The following BRINP2 variants were observed in gnomAD, a reference collection of about 807,000 sequenced individuals.
BRINP2 encodes BMP/retinoic acid inducible neural specific 2, also known as BMP/retinoic acid-inducible neural-specific protein 2.
Under a neutral mutation model 69.2 loss-of-function variants are expected in BRINP2, and 21 were observed. That is an observed-to-expected ratio of 0.30 (90% CI 0.22 to 0.44). The LOEUF (loss-of-function observed/expected upper bound fraction) is 0.44, where lower values mean the gene tolerates loss of function less well. Among genes scored for constraint, BRINP2 ranks in the 20% least tolerant of loss-of-function variants. The probability of loss-of-function intolerance (pLI) is 1.00; values close to 1 mark genes in which losing one functional copy is unlikely to be tolerated. For synonymous variants in BRINP2, 380 were observed against 394.1 expected, an observed-to-expected ratio of 0.96 and a Z score of 0.42; for missense variants, 877 against 986.0, an observed-to-expected ratio of 0.89 and a Z score of 1.48.
chr1:177,277,097 A>G lies in BRINP2; in HGVS notation c.1012+663A>G, dbSNP rs141255332. On this transcript the variant is annotated intron_variant, in intron 6 of 7. Coordinates refer to ENST00000361539, the MANE Select transcript of BRINP2 (RefSeq NM_021165.4). ...TTTCAACACTAAATGAATGATATTT[A>G]TGTGGATATAGTTCAAAAACATGAT... Among the ~76,000 whole-genome samples the G allele has an allele frequency of 6.9e-3, 1,049 of 152,318 alleles. 6 individuals carry two copies. The highest frequency in any genetic ancestry group is 0.011 in the Non-Finnish European group (763 of 68,030).
intron 2 of BRINP2, among the ~76,000 whole-genome samples, chr1:177,239,104 G>A (rs191515038): frequency 3.3e-5 from 5 of 152,292 alleles, no homozygotes; most frequent in East Asian, 1.9e-4. Flanking sequence ...ACAGTGTCTC[G>A]GGTTGTCACT....
chr1:177,210,258 C>G (rs909356675), intron 1 of BRINP2, among the ~76,000 whole-genome samples: 1 of 149,660 alleles, frequency 6.7e-6, no homozygotes, highest in Non-Finnish European at 1.5e-5. Flanking sequence ...TGTGTGCTTT[C>G]TATATTTACT....
intron 2 of BRINP2, among the ~76,000 whole-genome samples, chr1:177,242,524 G>C (rs1650237166): frequency 6.6e-6 from 1 of 151,932 alleles, no homozygotes. Flanking sequence ...TATCTCCTCT[G>C]AGCTCCTTCT....
At chr1:177,263,043 A>G (rs2102351870) in intron 4 of BRINP2, among the ~76,000 whole-genome samples, 1 of 152,326 alleles carries the variant, frequency 6.6e-6, no homozygotes, top group South Asian at 2.1e-4. Flanking sequence ...AAGAGGGAAG[A>G]GAGTTGAGAA....
At chr1:177,187,097 G>A (rs528704610) in intron 1 of BRINP2, among the ~76,000 whole-genome samples, 17 of 152,232 alleles carry the variant, frequency 1.1e-4, no homozygotes, top group Non-Finnish European at 1.3e-4. Flanking sequence ...CTCCAGTGAC[G>A]GAGTTTTAGA....
At chr1:177,245,781 C>T (rs886832744) in intron 2 of BRINP2, among the ~76,000 whole-genome samples, 17 of 152,162 alleles carry the variant, frequency 1.1e-4, no homozygotes, top group Admixed American at 2.0e-4. Flanking sequence ...TCTATAAACA[C>T]ACCACTCTCA....
chr1:177,257,118 T>G (rs1200769662), intron 3 of BRINP2, 58 bp from the exon 4 acceptor site: 18 of 1,604,576 alleles, frequency 1.1e-5, no homozygotes, highest in Non-Finnish European at 1.4e-5. Context: ...TATGTTCCTA[T>G]TGGTAGGGGA....
At chr1:177,275,265 T>C (rs1222849775) in intron 5 of BRINP2, 4 of 456,010 alleles carry the variant, frequency 8.8e-6, no homozygotes, top group Admixed American at 7.0e-5. Context: ...GTTACTGCAG[T>C]TGGGTGAGAA....
intron 1 of BRINP2, among the ~76,000 whole-genome samples, chr1:177,228,309 G>A (rs1254864957): frequency 6.6e-6 from 1 of 152,186 alleles, no homozygotes; most frequent in Non-Finnish European, 1.5e-5. Flanking sequence ...TATGAATGGT[G>A]AGGCACGGAT....
Position 177,210,719 on chromosome 1 carries a change from CT to C in BRINP2, c.-76-19081del, listed in dbSNP as rs770301195. On this transcript the variant is annotated intron_variant, in intron 1 of 7. Coordinates refer to ENST00000361539, the MANE Select transcript of BRINP2 (RefSeq NM_021165.4). ...CTTGGAGTAACTCATATAGGTGAAT[CT>C]ATTTTTTAACTATAAATTATTTGAC... Among the ~76,000 whole-genome samples, 18 of 151,758 alleles carry C rather than the reference CT, an allele frequency of 1.2e-4. No individual in the cohort carries two copies. The East Asian group carries it at 2.9e-3, about 25-fold the overall frequency.
intron 2 of BRINP2, among the ~76,000 whole-genome samples, chr1:177,254,586 G>A (rs1650693391): frequency 6.6e-6 from 1 of 151,922 alleles, no homozygotes; most frequent in Non-Finnish European, 1.5e-5. Flanking sequence ...TTGTGGTTGA[G>A]TTGCAAGCTG....
intron 1 of BRINP2, among the ~76,000 whole-genome samples, chr1:177,178,997 T>C (rs1391816823): frequency 3.9e-5 from 6 of 152,130 alleles, no homozygotes; most frequent in African/African-American, 9.7e-5. Flanking sequence ...TCCTATAAGG[T>C]AAGTAGGTTT....
chr1:177,278,522 A>T, intron 6 of BRINP2, 41 bp from the exon 7 acceptor site: 1 of 1,597,440 alleles, frequency 6.3e-7, no homozygotes, highest in Non-Finnish European at 8.6e-7. Context: ...AGAGTTCTGC[A>T]TAGCTACCCG....
chr1:177,266,121 A>AAATAATAATAATAAT (rs55687261), intron 4 of BRINP2, among the ~76,000 whole-genome samples: 2 of 148,028 alleles, frequency 1.4e-5, no homozygotes, highest in Admixed American at 6.7e-5. Context: ...CTCCATCTCA[A>AAATAATAATAATAAT]AATAATAATA....
chr1:177,254,733 A>C (rs1474665960), intron 2 of BRINP2, among the ~76,000 whole-genome samples: 1 of 152,184 alleles, frequency 6.6e-6, no homozygotes, highest in African/African-American at 2.4e-5. Flanking sequence ...CAAGGAAAAC[A>C]ACTGACAGTA....
At chr1:177,259,728 C>T (rs991685602) in intron 4 of BRINP2, among the ~76,000 whole-genome samples, 2 of 152,176 alleles carry the variant, frequency 1.3e-5, no homozygotes, top group Non-Finnish European at 2.9e-5. Context: ...ATAAATGGAA[C>T]AATCCAGCCT....
intron 1 of BRINP2, among the ~76,000 whole-genome samples, chr1:177,227,547 T>G (rs1467798856): frequency 2.0e-5 from 3 of 152,094 alleles, no homozygotes; most frequent in East Asian, 3.9e-4. Context: ...TCAGATTGCA[T>G]CCATTTAAAA....
intron 1 of BRINP2, among the ~76,000 whole-genome samples, chr1:177,216,668 A>G (rs201076296): frequency 6.6e-6 from 1 of 152,136 alleles, no homozygotes; most frequent in African/African-American, 2.4e-5. Context: ...AATTCCTGCA[A>G]GCAGGCCTAG....
Position 177,231,672 on chromosome 1 carries a change from G to A in BRINP2, c.269+1527G>A, listed in dbSNP as rs147114983. Among the ~76,000 whole-genome samples, 234 of 152,342 alleles carry A rather than the reference G, an allele frequency of 1.5e-3. 1 individual carries two copies. The highest frequency in any genetic ancestry group is 4.9e-3 in the African/African-American group (203 of 41,578). ...TTTCAGGCCATTTTTCTCCCACTGTGCTTAGATGCAGTCTGGTCCTGGAAG... is the reference window on the plus strand; with the variant it reads ...TTTCAGGCCATTTTTCTCCCACTGTACTTAGATGCAGTCTGGTCCTGGAAG... On this transcript the variant is annotated intron_variant, in intron 2 of 7. Coordinates refer to ENST00000361539, the MANE Select transcript of BRINP2 (RefSeq NM_021165.4).
Sources: gnomAD v4.1 joint callset for allele counts (sites outside exome capture counted in the v4.1 genomes callset) on GRCh38, gnomAD v4.1.1 for gene constraint, MANE v1.5 for transcripts, NCBI Gene and HGNC (gene_info 2026-07-23, HGNC 2026-07-21) for gene names.